The following BORA variants were observed in gnomAD, a reference collection of about 807,000 sequenced individuals.
The protein encoded by BORA is BORA aurora kinase A activator.
Under a neutral mutation model 55.8 loss-of-function variants are expected in BORA, and 26 were observed. The observed-to-expected ratio is 0.47, with a 90% CI of 0.34 to 0.65. The LOEUF (loss-of-function observed/expected upper bound fraction) is 0.65, where lower values mean the gene tolerates loss of function less well. Among genes scored for constraint, BORA ranks in the 30% least tolerant of loss-of-function variants. The pLI is 0.01. For synonymous variants in BORA, 201 were observed against 216.9 expected (o/e 0.93, Z 0.64); for missense variants, 568 against 671.5 (o/e 0.85, Z 1.70).
At position 72,756,030 on chromosome 13, in the gene BORA, A is replaced by G. The variant is rs2033457377; in HGVS notation, c.*814A>G. 1 of 398,478 alleles carries G rather than the reference A, an allele frequency of 2.5e-6. No homozygotes were observed. 24.7% of individuals were successfully genotyped at this position (398,478 alleles called of 1,614,324 possible). The stretch of plus-strand genomic sequence containing the variant: ...CCTGTGAAGTAACACTGGGGCAGAT[A>G]TGTATGTTATATACAACTATTTTTT... On this transcript the variant is annotated 3_prime_UTR_variant, in exon 12 of 12. Coordinates refer to ENST00000390667, the MANE Select transcript of BORA (RefSeq NM_024808.5).
chr13:72,743,446 C>T, intron 5 of BORA, 91 bp from the exon 6 acceptor site: 1 of 819,718 alleles, frequency 1.2e-6, no homozygotes, highest in Non-Finnish European at 1.8e-6. Flanking sequence ...AAATAAGTTT[C>T]CACTTTCTTA....
At chr13:72,745,798 G>A (rs1180926357) in intron 8 of BORA, 146 bp from the exon 9 acceptor site, 4 of 549,996 alleles carry the variant, frequency 7.3e-6, no homozygotes, top group African/African-American at 5.8e-5. Context: ...CTTCTTAGTT[G>A]TCTTTGTTGC....
chr13:72,730,193 G>A (rs532772815), intron 2 of BORA, among the ~76,000 whole-genome samples: 1 of 152,254 alleles, frequency 6.6e-6, no homozygotes, highest in South Asian at 2.1e-4. Flanking sequence ...TGCAAATAGG[G>A]TGGCTGTTTC....
At chr13:72,739,557 G>C (rs1432894181) in intron 5 of BORA, among the ~76,000 whole-genome samples, 1 of 152,136 alleles carries the variant, frequency 6.6e-6, no homozygotes, top group Non-Finnish European at 1.5e-5. Flanking sequence ...CCAGAGCAGA[G>C]GGTAAGTTTG....
rs2033137347 is a variant in BORA, at chr13:72,746,203, C to T, written c.871+127C>T. On this transcript the variant is annotated intron_variant, in intron 9 of 11. Coordinates refer to ENST00000390667, the MANE Select transcript of BORA (RefSeq NM_024808.5). The stretch of plus-strand genomic sequence containing the variant: ...TCACTAACCTTCTAACATTTAGGAA[C>T]TTTGATTTTTAAATAAAAGAACAGT... The T allele has an allele frequency of 5.2e-6, 5 of 968,466 alleles. No individual in the cohort carries two copies. The South Asian group carries it at 8.9e-5, about 17-fold the overall frequency. The allele number at this position is 968,466 out of a possible 1,614,324, so 60.0% of individuals were successfully genotyped here.
At chr13:72,749,762 A>G (rs563751771) in intron 10 of BORA, among the ~76,000 whole-genome samples, 1 of 152,218 alleles carries the variant, frequency 6.6e-6, no homozygotes, top group Admixed American at 6.5e-5. Flanking sequence ...CTTTTTGCAC[A>G]TGCTATGTAG....
chr13:72,754,827 C>A (rs1010476389), intron 11 of BORA: 9 of 213,784 alleles, frequency 4.2e-5, no homozygotes, highest in Non-Finnish European at 7.4e-5. Flanking sequence ...GCAGTCTTAC[C>A]ACCTCAGCCT....
In BORA at chr13:72,728,910, C is replaced by T. The variant is rs777186045; in HGVS notation, c.-15-16C>T. 1.9e-6 allele frequency: 3 copies of T among 1,553,092 alleles called. No individual in the cohort carries two copies. The Admixed American group carries it at 6.7e-5, about 35-fold the overall frequency. The stretch of plus-strand genomic sequence containing the variant: ...ACTTTGTAATTTTAACATGCATACT[C>T]TTGATTTCTTTTTAGTTTTCTCTCT... On this transcript the variant is annotated splice_polypyrimidine_tract_variant and intron_variant, in intron 1 of 11. Transcript: ENST00000390667.
rs1356813483 is a variant in BORA at position 72,756,057 on chromosome 13, A to G, written c.*841A>G. 1 of 397,194 alleles carries G rather than the reference A, an allele frequency of 2.5e-6. No individual in the cohort carries two copies. The highest frequency in any genetic ancestry group is 2.1e-5 in the African/African-American group (1 of 48,510). 24.6% of individuals were successfully genotyped at this position (397,194 alleles called of 1,614,324 possible). ...GTATGTTATATACAACTATTTTTTTAAAAAACTTATATCCATGTTGGGAGT... is the reference window on the plus strand; with the variant it reads ...GTATGTTATATACAACTATTTTTTTGAAAAACTTATATCCATGTTGGGAGT... On this transcript the variant is annotated 3_prime_UTR_variant, in exon 12 of 12. Transcript: ENST00000390667.
At chr13:72,738,894 G>C (rs2032984160) in intron 5 of BORA, among the ~76,000 whole-genome samples, 1 of 152,158 alleles carries the variant, frequency 6.6e-6, no homozygotes, top group Admixed American at 6.5e-5. Flanking sequence ...AGAAAGATGA[G>C]AGCATTTGTC....
At chr13:72,729,619 T>C (rs183001194) in intron 2 of BORA, among the ~76,000 whole-genome samples, 6 of 152,348 alleles carry the variant, frequency 3.9e-5, no homozygotes, top group African/African-American at 1.4e-4. Flanking sequence ...AACTACTCAC[T>C]TCTGTCTTGT....
chr13:72,753,915 A>G (rs1053600720), intron 11 of BORA, 94 bp downstream of exon 11: 32 of 1,245,914 alleles, frequency 2.6e-5, no homozygotes, highest in Non-Finnish European at 3.2e-5. Flanking sequence ...GAGAAACTAT[A>G]TGAAATTTAA....
intron 3 of BORA, among the ~76,000 whole-genome samples, chr13:72,734,059 G>C (rs750768816): frequency 6.6e-6 from 1 of 152,124 alleles, no homozygotes; most frequent in Non-Finnish European, 1.5e-5. Context: ...CTGGTGGAGG[G>C]TGAGAGGAGG....
Position 72,753,679 on chromosome 13 carries a change from TC to T in BORA, c.1483-10del. 6.2e-7 allele frequency: 1 copy of T among 1,600,328 alleles called. No homozygotes were observed. The highest frequency in any genetic ancestry group is 8.5e-7 in the Non-Finnish European group (1 of 1,175,264). The stretch of plus-strand genomic sequence containing the variant: ...CCTCACAATATATTTTTTTCTTTTT[TC>T]TCCTGTCAGATGGATAGTGGCTATA... On this transcript the variant is annotated splice_polypyrimidine_tract_variant and intron_variant, in intron 10 of 11. Coordinates refer to ENST00000390667, the MANE Select transcript of BORA (RefSeq NM_024808.5).
intron 10 of BORA, among the ~76,000 whole-genome samples, chr13:72,750,429 G>A (rs1379701240): frequency 6.6e-6 from 1 of 152,058 alleles, no homozygotes; most frequent in Non-Finnish European, 1.5e-5. Flanking sequence ...CTAGAGAAGA[G>A]CATCAAAGTC....
At chr13:72,749,615 G>A (rs2033222813) in intron 10 of BORA, among the ~76,000 whole-genome samples, 1 of 151,334 alleles carries the variant, frequency 6.6e-6, no homozygotes, top group African/African-American at 2.4e-5. Flanking sequence ...AAATGCGTTC[G>A]GTACTAATTT....
At position 72,746,418 on chromosome 13, in the gene BORA, A is replaced by G. The variant is rs762219465; in HGVS notation, c.872-83A>G. On this transcript the variant is annotated intron_variant, in intron 9 of 11. Transcript: ENST00000390667. ...TTACAGAAATGCAGTTTTTCCTGGC[A>G]TGAAACATGATTACCATTTAGTAGT... The G allele has an allele frequency of 9.4e-5, 136 of 1,447,746 alleles. 1 individual carries two copies. The Middle Eastern group carries it at 1.1e-3, about 12-fold the overall frequency. 89.7% of individuals were successfully genotyped at this position (1,447,746 alleles called of 1,614,324 possible).
Position 72,731,714 on chromosome 13 carries a change from A to G in BORA, c.260+327A>G, listed in dbSNP as rs555078694. On this transcript the variant is annotated intron_variant, in intron 3 of 11. Transcript: ENST00000390667. The stretch of plus-strand genomic sequence containing the variant: ...TTTCTACATGGTTGTGGCTTCTGCC[A>G]TTAACTTGTTTCAGTTTGTCTTTTT... Among the ~76,000 whole-genome samples the G allele has an allele frequency of 1.5e-3, 232 of 152,334 alleles. 2 individuals are homozygous for G. Among genetic ancestry groups the G allele is most frequent in the African/African-American group, 5.1e-3 (211 of 41,576 alleles).
intron 11 of BORA, 98 bp from the exon 12 acceptor site, chr13:72,755,053 A>C: frequency 1.1e-6 from 1 of 951,480 alleles, no homozygotes. Context: ...AGTTCAGCTA[A>C]AGAAACGTGC....
Sources: gnomAD v4.1 joint callset for allele counts (sites outside exome capture counted in the v4.1 genomes callset) on GRCh38, gnomAD v4.1.1 for gene constraint, MANE v1.5 for transcripts, NCBI Gene and HGNC (gene_info 2026-07-23, HGNC 2026-07-21) for gene names.